ADAMTS17: variants seen among roughly 807,000 people sequenced by gnomAD.
ADAMTS17 encodes the protein A disintegrin and metalloproteinase with thrombospondin motifs 17.
A neutral mutation model predicts 141.5 loss-of-function variants in ADAMTS17; 113 were observed. The observed-to-expected ratio is 0.80, with a 90% confidence interval of 0.69 to 0.93. The LOEUF is 0.93. Ranked by LOEUF, ADAMTS17 falls within the 40% of genes least tolerant of loss-of-function variation. The probability of loss-of-function intolerance (pLI) is 0.00; values close to 1 mark genes in which losing one functional copy is unlikely to be tolerated. For synonymous variants in ADAMTS17, 768 were observed against 630.6 expected, an observed-to-expected ratio of 1.22 and a Z score of -3.27; for missense variants, 1,659 against 1,517.9, an observed-to-expected ratio of 1.09 and a Z score of -1.54.
intron 15 of ADAMTS17, among the ~76,000 whole-genome samples, chr15:100,077,312 A>AG (rs2034447200): frequency 6.8e-6 from 1 of 146,708 alleles, no homozygotes; most frequent in Non-Finnish European, 1.5e-5. Flanking sequence ...AAAAAAAAAA[A>AG]TTAGCCTGGC....
chr15:100,162,835 T>A (rs1217573140), intron 8 of ADAMTS17, among the ~76,000 whole-genome samples: 6 of 145,400 alleles, frequency 4.1e-5, no homozygotes, highest in Non-Finnish European at 9.0e-5. Context: ...TATATGTGTA[T>A]AACTATATAT....
At chr15:100,300,781 C>T (rs2045002987) in intron 3 of ADAMTS17, among the ~76,000 whole-genome samples, 2 of 152,238 alleles carry the variant, frequency 1.3e-5, no homozygotes, top group Admixed American at 1.3e-4. Flanking sequence ...ACCCTGGCCT[C>T]TGGAACATGC....
chr15:99,972,050 G>C lies in ADAMTS17; in HGVS notation c.*2352C>G, dbSNP rs138578029. 8.7e-3 allele frequency: 1,331 copies of C among 152,324 alleles called. 24 individuals carry two copies. Among genetic ancestry groups the C allele is most frequent in the African/African-American group, 0.03 (1,263 of 41,524 alleles). 9.4% of individuals were successfully genotyped at this position (152,324 alleles called of 1,614,324 possible). A position where few individuals can be genotyped will look rare whatever the true frequency, so the allele number is the denominator to read the frequency against. ...GTGGATCATGAGGTCAGGAGATCGA[G>C]ACCATCCTGGCTAACATGGTGAAAC... On this transcript the variant is annotated 3_prime_UTR_variant, in exon 22 of 22. Transcript: ENST00000268070.
At chr15:100,053,822 G>A (rs554947905) in intron 16 of ADAMTS17, 75 bp downstream of exon 16, 2 of 1,611,766 alleles carry the variant, frequency 1.2e-6, no homozygotes, top group African/African-American at 1.3e-5. Context: ...CCAGGCAGAA[G>A]TAAACTGGAA....
At chr15:100,056,117 A>G (rs2032544729) in intron 15 of ADAMTS17, among the ~76,000 whole-genome samples, 1 of 152,258 alleles carries the variant, frequency 6.6e-6, no homozygotes, top group African/African-American at 2.4e-5. Context: ...TACCCTTACA[A>G]CAGTGACTGA....
At chr15:100,205,751 C>G (rs539300864) in intron 7 of ADAMTS17, among the ~76,000 whole-genome samples, 2 of 152,356 alleles carry the variant, frequency 1.3e-5, no homozygotes, top group African/African-American at 2.4e-5. Flanking sequence ...CGGGCAGAGT[C>G]TAAGCTGAGC....
At chr15:100,197,240 G>T (rs911548803) in intron 8 of ADAMTS17, among the ~76,000 whole-genome samples, 4 of 152,230 alleles carry the variant, frequency 2.6e-5, no homozygotes, top group Admixed American at 1.3e-4. Flanking sequence ...CTTAGCATGT[G>T]CCATGCTGCT....
chr15:100,039,995 G>T (rs1167117005), intron 18 of ADAMTS17, among the ~76,000 whole-genome samples: 1 of 151,868 alleles, frequency 6.6e-6, no homozygotes, highest in Non-Finnish European at 1.5e-5. Context: ...TTTTTGTCTG[G>T]TATTAGTATA....
intron 7 of ADAMTS17, among the ~76,000 whole-genome samples, chr15:100,211,356 CTT>C (rs1389621906): frequency 2.0e-5 from 3 of 147,910 alleles, no homozygotes; most frequent in African/African-American, 7.4e-5. Flanking sequence ...AATTGCCTGA[CTT>C]TTAAAAATAT....
chr15:100,244,812 G>A (rs116368301), intron 7 of ADAMTS17, among the ~76,000 whole-genome samples: 389 of 152,094 alleles, frequency 2.6e-3, no homozygotes, highest in African/African-American at 8.6e-3. Flanking sequence ...CTGCACCGCC[G>A]AGTGCAGGCT....
intron 13 of ADAMTS17, 111 bp downstream of exon 13, chr15:100,116,736 T>C (rs951462310): frequency 6.8e-7 from 1 of 1,467,832 alleles, no homozygotes; most frequent in African/African-American, 1.4e-5. Context: ...GACTGGAGTG[T>C]CTTGCTGGGT....
intron 8 of ADAMTS17, chr15:100,168,733 A>C (rs942013921): frequency 6.6e-6 from 1 of 152,266 alleles, no homozygotes; most frequent in Admixed American, 6.5e-5. Flanking sequence ...TCAGAAGGTC[A>C]AGGCAAATCT....
intron 18 of ADAMTS17, among the ~76,000 whole-genome samples, chr15:100,042,166 C>T (rs2622528): frequency 0.65 from 99,248 of 152,028 alleles, 33,970 homozygotes; most frequent in Non-Finnish European, 0.77. Flanking sequence ...TCCAATCTCC[C>T]CGATTTTCTG....
At chr15:100,074,221 C>T (rs2034203851) in intron 15 of ADAMTS17, 1 of 152,582 alleles carries the variant, frequency 6.6e-6, no homozygotes, top group South Asian at 2.1e-4. Context: ...TTGGTGAGCA[C>T]CATCAGAAAA....
chr15:100,170,428 A>C (rs79261125), intron 8 of ADAMTS17, among the ~76,000 whole-genome samples: 2,806 of 152,176 alleles, frequency 0.018, 99 homozygotes, highest in African/African-American at 0.065. Flanking sequence ...CTCAGCACGC[A>C]GGGACTCCTA....
At chr15:100,070,065 G>T (rs1398261840) in intron 15 of ADAMTS17, among the ~76,000 whole-genome samples, 2 of 149,382 alleles carry the variant, frequency 1.3e-5, no homozygotes, top group Non-Finnish European at 3.0e-5. Flanking sequence ...CAAGCAAATG[G>T]AAAACAAAAA....
chr15:100,068,674 G>A (rs959637284), intron 15 of ADAMTS17, among the ~76,000 whole-genome samples: 5 of 152,208 alleles, frequency 3.3e-5, no homozygotes, highest in Admixed American at 1.3e-4. Flanking sequence ...AAATCCAACA[G>A]ACCTGTAGCT....
intron 8 of ADAMTS17, among the ~76,000 whole-genome samples, chr15:100,175,134 C>T (rs2040292004): frequency 6.6e-6 from 1 of 152,166 alleles, no homozygotes; most frequent in Non-Finnish European, 1.5e-5. Context: ...TGGAGTGAAA[C>T]AAGAATCAGA....
intron 3 of ADAMTS17, among the ~76,000 whole-genome samples, chr15:100,323,396 C>T (rs1213506836): frequency 2.0e-5 from 3 of 152,124 alleles, no homozygotes; most frequent in Non-Finnish European, 4.4e-5. Flanking sequence ...TACTGTACTG[C>T]CTCTTTAGGG....
Sources: gnomAD v4.1 joint callset for allele counts (sites outside exome capture counted in the v4.1 genomes callset) on GRCh38, gnomAD v4.1.1 for gene constraint, MANE v1.5 for transcripts, NCBI Gene and HGNC (gene_info 2026-07-23, HGNC 2026-07-21) for gene names.